DMRT1: variants seen among roughly 807,000 people sequenced by gnomAD.
DMRT1 encodes doublesex and mab-3 related transcription factor 1, also known as doublesex- and mab-3-related transcription factor 1.
A neutral mutation model predicts 32.3 loss-of-function variants in DMRT1; 7 were observed. That is an observed-to-expected ratio of 0.22 (90% CI 0.12 to 0.41). The LOEUF is 0.41. Ranked by LOEUF, DMRT1 falls within the 10% of genes least tolerant of loss-of-function variation. The probability of loss-of-function intolerance (pLI) is 1.00; values close to 1 mark genes in which losing one functional copy is unlikely to be tolerated. For synonymous variants in DMRT1, 278 were observed against 206.1 expected (o/e 1.35, Z -2.99); for missense variants, 625 against 500.5 (o/e 1.25, Z -2.37).
intron 3 of DMRT1, among the ~76,000 whole-genome samples, chr9:905,473 C>CGTGTGTGTGTGT (rs745430195): frequency 2.9e-4 from 41 of 143,586 alleles, no homozygotes; most frequent in East Asian, 6.1e-4. Flanking sequence ...CTCCCTTGCC[C>CGTGTGTGTGTGT]CTGTGTGTGT....
At chr9:946,914 G>A (rs16926506) in intron 4 of DMRT1, among the ~76,000 whole-genome samples, 1 of 152,194 alleles carries the variant, frequency 6.6e-6, no homozygotes, top group East Asian at 1.9e-4. Context: ...GACAATGCAA[G>A]GACTGGATTC....
intron 2 of DMRT1, among the ~76,000 whole-genome samples, chr9:875,245 G>T (rs1178838317): frequency 2.0e-5 from 3 of 152,110 alleles, no homozygotes; most frequent in Non-Finnish European, 2.9e-5. Context: ...TTCCGTGGTG[G>T]AATAAACCTT....
intron 1 of DMRT1, 155 bp downstream of exon 1, chr9:842,347 G>A (rs1303779129): frequency 2.0e-6 from 2 of 976,412 alleles, no homozygotes; most frequent in South Asian, 3.4e-5. Flanking sequence ...CAATTCTCCT[G>A]CCTCAGCCTC....
chr9:966,382 T>C (rs1164602717), intron 4 of DMRT1, among the ~76,000 whole-genome samples: 2 of 152,232 alleles, frequency 1.3e-5, no homozygotes, highest in Non-Finnish European at 2.9e-5. Flanking sequence ...TTTTAAAGCT[T>C]ACAAACTTAT....
chr9:871,727 G>A (rs752294296), intron 2 of DMRT1, among the ~76,000 whole-genome samples: 64 of 151,286 alleles, frequency 4.2e-4, no homozygotes, highest in Middle Eastern at 3.4e-3. Flanking sequence ...GCCCGCCTCG[G>A]CCTCCCAAAG....
Position 965,672 on chromosome 9 carries a change from T to G in DMRT1, c.968-2313T>G, listed in dbSNP as rs1473837406. ...TGAACATGTTGGGAGAACACATACC[T>G]ATTCCTTTACAAGCCTCTGCATCAG... On this transcript the variant is annotated intron_variant, in intron 4 of 4. Coordinates refer to ENST00000382276, the MANE Select transcript of DMRT1 (RefSeq NM_021951.3). This position sits in a 1 kb window ranked among gnomAD's most constrained non-coding sequence, Gnocchi z 4.5. 3.9e-5 allele frequency among the ~76,000 whole-genome samples: 6 copies of G among 152,198 alleles called. No individual in the cohort carries two copies. The highest frequency in any genetic ancestry group is 7.3e-5 in the Non-Finnish European group (5 of 68,036).
intron 4 of DMRT1, among the ~76,000 whole-genome samples, chr9:930,117 A>G (rs1003728098): frequency 6.6e-6 from 1 of 152,196 alleles, no homozygotes; most frequent in African/African-American, 2.4e-5. Flanking sequence ...ATTACAGTCA[A>G]ATTCTTGATA....
chr9:896,567 C>G (rs1414354961), intron 3 of DMRT1, among the ~76,000 whole-genome samples: 1 of 152,094 alleles, frequency 6.6e-6, no homozygotes, highest in Admixed American at 6.6e-5. Flanking sequence ...GTATTCCTAG[C>G]ACTTTGGGAG....
intron 3 of DMRT1, among the ~76,000 whole-genome samples, chr9:905,451 G>A (rs534515427): frequency 6.1e-5 from 9 of 146,590 alleles, no homozygotes; most frequent in South Asian, 2.2e-4. Context: ...TGGAAATTTC[G>A]CTGTCTCCTC....
chr9:846,562 G>A (rs1838915110), intron 1 of DMRT1, among the ~76,000 whole-genome samples: 1 of 151,946 alleles, frequency 6.6e-6, no homozygotes, highest in Non-Finnish European at 1.5e-5. Context: ...ATTCTACACA[G>A]TCATTTGTTT....
In DMRT1 at chr9:856,105, C is replaced by T. The variant is rs189598453; in HGVS notation, c.538+8962C>T. Among the ~76,000 whole-genome samples the T allele has an allele frequency of 5.1e-4, 78 of 151,592 alleles. 1 individual carries two copies. Among genetic ancestry groups the T allele is most frequent in the East Asian group, 3.3e-3 (17 of 5,134 alleles). ...CTAATTTTTGTATTTTTAGTAGAGA[C>T]GAGGTTTCACCATGTTGGCCAGGCT... is the stretch of plus-strand genomic sequence containing the variant. On this transcript the variant is annotated intron_variant, in intron 2 of 4. Transcript: ENST00000382276.
At chr9:895,994 G>T (rs75319365) in intron 3 of DMRT1, among the ~76,000 whole-genome samples, 1 of 151,460 alleles carries the variant, frequency 6.6e-6, no homozygotes, top group South Asian at 2.1e-4. Context: ...TAGTAGAGAC[G>T]GGGTTTCACC....
intron 2 of DMRT1, among the ~76,000 whole-genome samples, chr9:848,629 C>G (rs1346087034): frequency 2.8e-5 from 4 of 145,156 alleles, no homozygotes; most frequent in African/African-American, 1.0e-4. Flanking sequence ...TCTTGGCTCA[C>G]TGCAACCTCC....
rs139557047 is a variant in DMRT1, at chr9:869,918, T to C, written c.538+22775T>C. On this transcript the variant is annotated intron_variant, in intron 2 of 4. Transcript: ENST00000382276. The stretch of plus-strand genomic sequence containing the variant: ...TCTGTGGAGTTGGTGGGCGTCCTAG[T>C]TACAGACTTGGCTGAACCTGAAGAC... Among the ~76,000 whole-genome samples, 78 of 152,290 alleles carry C rather than the reference T, an allele frequency of 5.1e-4. 1 individual carries two copies. The highest frequency in any genetic ancestry group is 1.5e-3 in the African/African-American group (63 of 41,556).
intron 3 of DMRT1, among the ~76,000 whole-genome samples, chr9:906,529 G>T (rs1817783748): frequency 6.6e-6 from 1 of 152,144 alleles, no homozygotes; most frequent in African/African-American, 2.4e-5. Flanking sequence ...GTGACATATT[G>T]TTTCTGGGTC....
chr9:911,781 C>T (rs761048839), intron 3 of DMRT1, among the ~76,000 whole-genome samples: 3 of 152,076 alleles, frequency 2.0e-5, no homozygotes, highest in East Asian at 1.9e-4. Context: ...CGTGAGCCAC[C>T]GCGCCCATCC....
At chr9:930,769 C>G (rs377606709) in intron 4 of DMRT1, among the ~76,000 whole-genome samples, 15 of 127,986 alleles carry the variant, frequency 1.2e-4, no homozygotes, top group African/African-American at 6.6e-4. Flanking sequence ...GTCTCAAACT[C>G]TGGGCCTCAA....
chr9:938,288 G>C (rs1818951569), intron 4 of DMRT1, among the ~76,000 whole-genome samples: 1 of 152,050 alleles, frequency 6.6e-6, no homozygotes, highest in Non-Finnish European at 1.5e-5. Flanking sequence ...ATTTTACAAT[G>C]GGTTTTTCTA....
chr9:912,946 G>A (rs77234602), intron 3 of DMRT1, among the ~76,000 whole-genome samples: 5,814 of 152,192 alleles, frequency 0.038, 316 homozygotes, highest in East Asian at 0.17. Context: ...CAGTGCCACT[G>A]TTTACAAATA....
Sources: gnomAD v4.1 joint callset for allele counts (sites outside exome capture counted in the v4.1 genomes callset) on GRCh38, gnomAD v4.1.1 for gene constraint, Gnocchi (gnomAD v3.1) non-coding constraint, MANE v1.5 for transcripts, NCBI Gene and HGNC (gene_info 2026-07-23, HGNC 2026-07-21) for gene names.